The following ASAP3 variants were observed in gnomAD, a reference collection of about 807,000 sequenced individuals.
The protein encoded by ASAP3 is arf-GAP with SH3 domain, ANK repeat and PH domain-containing protein 3.
A neutral mutation model predicts 118.2 loss-of-function variants in ASAP3; 85 were observed. The ratio of observed to expected loss-of-function variants is 0.72; its 90% CI spans 0.60 to 0.86. The LOEUF (loss-of-function observed/expected upper bound fraction) is 0.86. ASAP3 is among the 40% of genes least tolerant of loss of function. The probability of loss-of-function intolerance (pLI) is 0.00; values close to 1 mark genes in which losing one functional copy is unlikely to be tolerated. For synonymous variants in ASAP3, 432 were observed against 477.4 expected (o/e 0.90, Z 1.24); for missense variants, 1,026 against 1,175.0 (o/e 0.87, Z 1.85).
rs1640765031 is a variant in ASAP3 at position 23,438,813 on chromosome 1, G to C, written c.1036C>G (p.Leu346Val). The C allele has an allele frequency of 1.9e-6, 3 of 1,614,244 alleles. No individual in the cohort carries two copies. The East Asian group carries it at 6.7e-5, about 36-fold the overall frequency. The change falls in exon 12 of 25, where the codon CTG (leucine) becomes GTG (valine). Residue 346 changes from leucine (L) to valine (V), a missense_variant. Coordinates refer to ENST00000336689, the MANE Select transcript of ASAP3 (RefSeq NM_017707.4). The surrounding 1 kb of genome is among the most constrained non-coding windows in gnomAD (Gnocchi z 4.9). ...CTCACTTGGCACGTCAGCAGGGTCA[G>C]CTTCACCGGGGGCCGGTTTATCTGT... is the stretch of plus-strand genomic sequence containing the variant. ...HSTINRPPVK[L>V]TLLTCQVRPN...
intron 1 of ASAP3, 115 bp downstream of exon 1, chr1:23,483,890 G>C: frequency 9.2e-7 from 1 of 1,088,040 alleles, no homozygotes; most frequent in South Asian, 4.3e-5. Flanking sequence ...ACCTAGGGAG[G>C]GGGCAGGTTT....
At chr1:23,483,656 G>A (rs898585688) in intron 1 of ASAP3, among the ~76,000 whole-genome samples, 1 of 152,172 alleles carries the variant, frequency 6.6e-6, no homozygotes, top group African/African-American at 2.4e-5. Context: ...TGACTCGGGG[G>A]GCACACTTGT....
At position 23,436,486 on chromosome 1, in the gene ASAP3, T is replaced by C. The variant is rs1640658653; in HGVS notation, c.1571+74A>G. ...CCTCCCCAGACTTCTGATCCAAGAC[T>C]TTTCTACGACCCTGGACACTGCGGA... On this transcript the variant is annotated intron_variant, in intron 16 of 24. Coordinates refer to ENST00000336689, the MANE Select transcript of ASAP3 (RefSeq NM_017707.4). This position sits in a 1 kb window ranked among gnomAD's most constrained non-coding sequence, Gnocchi z 4.2. The C allele has an allele frequency of 2.6e-6, 4 of 1,548,512 alleles. No individual in the cohort carries two copies. The highest frequency in any genetic ancestry group is 3.6e-6 in the Non-Finnish European group (4 of 1,123,526).
In ASAP3 at chr1:23,437,394, G is replaced by T; in HGVS notation, c.1151+30C>A. 6.2e-7 allele frequency: 1 copy of T among 1,612,658 alleles called. No individual in the cohort carries two copies. The highest frequency in any genetic ancestry group is 8.5e-7 in the Non-Finnish European group (1 of 1,179,268). On this transcript the variant is annotated intron_variant, in intron 13 of 24. Transcript: ENST00000336689. This position sits in a 1 kb window ranked among gnomAD's most constrained non-coding sequence, Gnocchi z 6.1. ...AGGGCCGCCGGCCCCCACCCACAAG[G>T]CTGGCCGGGCTGGCCGAGGGGGCAC...
intron 1 of ASAP3, among the ~76,000 whole-genome samples, chr1:23,480,554 C>T (rs1250376391): frequency 2.0e-5 from 3 of 152,228 alleles, no homozygotes; most frequent in African/African-American, 7.2e-5. Flanking sequence ...TTGACTGTAC[C>T]TTTCTCTGGG....
chr1:23,484,379 G>A (rs1296475640), upstream of ASAP3: 6 of 306,502 alleles, frequency 2.0e-5, no homozygotes, highest in Middle Eastern at 9.4e-4. Context: ...CCCGCACCGC[G>A]TCAGGCCGCT....
intron 1 of ASAP3, among the ~76,000 whole-genome samples, chr1:23,460,324 T>C (rs1366074710): frequency 6.6e-6 from 1 of 151,876 alleles, no homozygotes; most frequent in African/African-American, 2.4e-5. Flanking sequence ...CTGGCAAACA[T>C]GGTGAAACCC....
chr1:23,439,373 C>T (rs1476569917), intron 10 of ASAP3, 143 bp from the exon 11 acceptor site: 1 of 691,582 alleles, frequency 1.4e-6, no homozygotes, highest in Non-Finnish European at 2.5e-6. Flanking sequence ...ACACCCCCAC[C>T]CCTGACCCCT....
chr1:23,482,458 A>G (rs1191347428), intron 1 of ASAP3, among the ~76,000 whole-genome samples: 1 of 151,932 alleles, frequency 6.6e-6, no homozygotes, highest in Non-Finnish European at 1.5e-5. Context: ...GGAGGCAGAG[A>G]TTGCAGTCAG....
intron 1 of ASAP3, among the ~76,000 whole-genome samples, chr1:23,467,455 CTACCAATTAA>C (rs1641811776): frequency 1.3e-5 from 2 of 152,304 alleles, no homozygotes; most frequent in South Asian, 4.1e-4. Flanking sequence ...ATGGTAGCCT[CTACCAATTAA>C]ACTAGAGTTG....
At chr1:23,476,752 GC>G (rs1642140597) in intron 1 of ASAP3, among the ~76,000 whole-genome samples, 2 of 152,152 alleles carry the variant, frequency 1.3e-5, no homozygotes, top group East Asian at 1.9e-4. Context: ...TGCCCCTTGG[GC>G]CCCCTTTCAG....
chr1:23,483,835 C>A (rs1322270982), intron 1 of ASAP3, among the ~76,000 whole-genome samples, 170 bp downstream of exon 1: 11 of 152,210 alleles, frequency 7.2e-5, no homozygotes, highest in Non-Finnish European at 1.3e-4. Context: ...TCCCCCGCCT[C>A]GACGGTGAGG....
chr1:23,454,606 T>C (rs1461957009), intron 3 of ASAP3, among the ~76,000 whole-genome samples: 2 of 152,208 alleles, frequency 1.3e-5, no homozygotes, highest in African/African-American at 4.8e-5. Flanking sequence ...GTTTGAAATG[T>C]TGCACCCAGC....
In ASAP3 at chr1:23,437,148, A is replaced by G. The variant is rs1640700227; in HGVS notation, c.1324T>C (p.Cys442Arg). 1 of 1,606,212 alleles carries G rather than the reference A, an allele frequency of 6.2e-7. No homozygotes were observed. Among genetic ancestry groups the G allele is most frequent in the Non-Finnish European group, 8.5e-7 (1 of 1,176,356 alleles). Residue 442 changes from cysteine to arginine, a missense_variant, in exon 14 of 25, where the codon TGC (cysteine) becomes CGC (arginine). Coordinates refer to ENST00000336689, the MANE Select transcript of ASAP3 (RefSeq NM_017707.4). The surrounding 1 kb of genome is among the most constrained non-coding windows in gnomAD (Gnocchi z 6.1). ...VKSRPGNSQC[C>R]DCGAADPTWL... Reference sequence around the variant, plus strand: ...GACCGACCTGCAGCCCCGCAGTCGCAGCACTGGCTATTCCCAGGCCTGCTC... The same window carrying G: ...GACCGACCTGCAGCCCCGCAGTCGCGGCACTGGCTATTCCCAGGCCTGCTC...
At chr1:23,476,353 C>CA (rs796975962) in intron 1 of ASAP3, among the ~76,000 whole-genome samples, 9,681 of 130,278 alleles carry the variant, frequency 0.074, 974 homozygotes, top group African/African-American at 0.24. Context: ...CCCAATCAAA[C>CA]AAAAAAAAAA....
At position 23,437,374 on chromosome 1, in the gene ASAP3, C is replaced by T; in HGVS notation, c.1151+50G>A. 3 of 1,610,780 alleles carry T rather than the reference C, an allele frequency of 1.9e-6. No homozygotes were observed. The highest frequency in any genetic ancestry group is 2.5e-6 in the Non-Finnish European group (3 of 1,178,242). On this transcript the variant is annotated intron_variant, in intron 13 of 24. Transcript: ENST00000336689. The surrounding 1 kb of genome is among the most constrained non-coding windows in gnomAD (Gnocchi z 6.1). Reference sequence around the variant, plus strand: ...GATGTCAAGTGGGAAGAGATAGGGCCGCCGGCCCCCACCCACAAGGCTGGC... The same window carrying T: ...GATGTCAAGTGGGAAGAGATAGGGCTGCCGGCCCCCACCCACAAGGCTGGC...
rs953390832 is a variant in ASAP3, at chr1:23,465,485, CTTTTTTTCT to C, written c.130-9300_130-9292del. 1.6e-4 allele frequency among the ~76,000 whole-genome samples: 25 copies of C among 152,132 alleles called. No individual in the cohort carries two copies. In the South Asian group the frequency reaches 2.9e-3, roughly 18 times the overall value. ...GTGATGAACAGTGGCAGAGCTGTAA[CTTTTTTTCT>C]TTTTTTTCTTTCTTTTTTTTTGGGG... On this transcript the variant is annotated intron_variant, in intron 1 of 24. Transcript: ENST00000336689.
rs532403303 is a variant in ASAP3, at chr1:23,482,675, G to A, written c.129+1330C>T. ...TGAAAAAAGGTCTGCCTTGGCCGGC[G>A]CGGTGGCTCACGCCTGTAATCCCAG... On this transcript the variant is annotated intron_variant, in intron 1 of 24. Coordinates refer to ENST00000336689, the MANE Select transcript of ASAP3 (RefSeq NM_017707.4). Among the ~76,000 whole-genome samples, 4 of 152,266 alleles carry A rather than the reference G, an allele frequency of 2.6e-5. No homozygotes were observed. The East Asian group carries it at 5.8e-4, about 22-fold the overall frequency.
Position 23,436,025 on chromosome 1 carries a change from G to T in ASAP3, c.1575C>A (p.Gly525=), listed in dbSNP as rs746282872. ...GPKPSAESDM[G]TRRDYIMAKY... is the part of the protein sequence containing the mutation. The stretch of plus-strand genomic sequence containing the variant: ...TGGCCATAATGTAGTCCCTGCGGGT[G>T]CCCCTACCAAAAACAACCACAGGAT... The change falls in exon 17 of 25, where the codon GGC becomes GGA. Residue 525 remains glycine (G), a synonymous_variant. Transcript: ENST00000336689. This position sits in a 1 kb window ranked among gnomAD's most constrained non-coding sequence, Gnocchi z 4.2. 1 of 1,614,010 alleles carries T rather than the reference G, an allele frequency of 6.2e-7. No individual in the cohort carries two copies. Among genetic ancestry groups the T allele is most frequent in the Admixed American group, 1.7e-5 (1 of 60,026 alleles).
Sources: gnomAD v4.1 joint callset for allele counts (sites outside exome capture counted in the v4.1 genomes callset) on GRCh38, gnomAD v4.1.1 for gene constraint, Gnocchi (gnomAD v3.1) non-coding constraint, MANE v1.5 for transcripts, NCBI Gene and HGNC (gene_info 2026-07-23, HGNC 2026-07-21) for gene names.